The following ADGB variants were observed in gnomAD, a reference collection of about 807,000 sequenced individuals.
The protein encoded by ADGB is androglobin.
ADGB carries 172 observed loss-of-function variants against 210.5 expected under a neutral mutation model. The observed-to-expected ratio is 0.82, with a 90% CI of 0.72 to 0.93. ADGB has a LOEUF of 0.93. ADGB is among the 40% of genes least tolerant of loss of function. The probability of loss-of-function intolerance (pLI) is 0.00; values close to 1 mark genes in which losing one functional copy is unlikely to be tolerated. For synonymous variants in ADGB, 658 were observed against 662.7 expected (o/e 0.99, Z 0.11); for missense variants, 2,025 against 1,964.8 (o/e 1.03, Z -0.58).
chr6:146,647,105 C>CAAAAAAAAAAAAAAAAAAAAAAAAA (rs71552951), intron 3 of ADGB, among the ~76,000 whole-genome samples: 1 of 136,412 alleles, frequency 7.3e-6, no homozygotes. Context: ...AAACAAAAAA[C>CAAAAAAAAAAAAAAAAAAAAAAAAA]AAAAAACAAA....
At chr6:146,795,032 T>C (rs1032525710) in intron 33 of ADGB, among the ~76,000 whole-genome samples, 3 of 152,150 alleles carry the variant, frequency 2.0e-5, no homozygotes, top group Non-Finnish European at 2.9e-5. Flanking sequence ...TTCTGACCCA[T>C]TGGTGACCCC....
At chr6:146,637,186 T>A (rs1775437747) in intron 2 of ADGB, among the ~76,000 whole-genome samples, 1 of 151,952 alleles carries the variant, frequency 6.6e-6, no homozygotes, top group South Asian at 2.1e-4. Flanking sequence ...GTTCTTTGTT[T>A]ATTTATTTTT....
chr6:146,681,983 T>C (rs1215981317), intron 9 of ADGB, among the ~76,000 whole-genome samples: 2 of 152,114 alleles, frequency 1.3e-5, no homozygotes, highest in African/African-American at 2.4e-5. Context: ...AAAATAGAAT[T>C]TATTTCATAG....
chr6:146,674,141 A>T (rs6923590), intron 8 of ADGB, among the ~76,000 whole-genome samples: 1 of 152,136 alleles, frequency 6.6e-6, no homozygotes, highest in Non-Finnish European at 1.5e-5. Flanking sequence ...TCTCAATTAC[A>T]ATTTGTGATA....
chr6:146,685,664 T>G lies in ADGB; in HGVS notation c.1217-70T>G, dbSNP rs79924570. 11,823 of 836,666 alleles carry G rather than the reference T, an allele frequency of 0.014. 966 individuals carry two copies. The African/African-American group carries it at 0.18, about 13-fold the overall frequency. 51.8% of individuals were successfully genotyped at this position (836,666 alleles called of 1,614,324 possible). ...TAAATTCATTAAGGCAATTGAACAA[T>G]CTGGAGTGAGCAACTGACAGACCGA... On this transcript the variant is annotated intron_variant, in intron 9 of 35. Coordinates refer to ENST00000397944, the MANE Select transcript of ADGB (RefSeq NM_024694.4).
intron 22 of ADGB, among the ~76,000 whole-genome samples, chr6:146,735,440 A>C (rs1475249523): frequency 1.3e-5 from 2 of 152,186 alleles, no homozygotes; most frequent in Non-Finnish European, 2.9e-5. Context: ...GCCAGAACTC[A>C]TCTTTTTATC....
At chr6:146,705,667 A>G (rs1176327028) in intron 13 of ADGB, among the ~76,000 whole-genome samples, 1 of 152,058 alleles carries the variant, frequency 6.6e-6, no homozygotes, top group Non-Finnish European at 1.5e-5. Context: ...TGTGCTGTTG[A>G]ATTATGTTTA....
At chr6:146,706,845 G>GTTTTTTTTTTTTTTTTTT (rs34520729) in intron 13 of ADGB, among the ~76,000 whole-genome samples, 3 of 100,732 alleles carry the variant, frequency 3.0e-5, no homozygotes, top group Non-Finnish European at 5.7e-5. Flanking sequence ...TCAGCTTAGT[G>GTTTTTTTTTTTTTTTTTT]TTTTTTTTTT....
intron 1 of ADGB, among the ~76,000 whole-genome samples, chr6:146,613,999 A>T (rs893187553): frequency 6.6e-6 from 1 of 152,050 alleles, no homozygotes; most frequent in African/African-American, 2.4e-5. Flanking sequence ...ATAGATATAT[A>T]TATAAAAATA....
chr6:146,663,904 A>G (rs1198886315), intron 5 of ADGB, among the ~76,000 whole-genome samples: 1 of 152,074 alleles, frequency 6.6e-6, no homozygotes, highest in Non-Finnish European at 1.5e-5. Context: ...TGGTCCTTGA[A>G]ACACCTCAAT....
chr6:146,772,322 T>C (rs1344622354), intron 29 of ADGB, among the ~76,000 whole-genome samples: 6 of 151,236 alleles, frequency 4.0e-5, no homozygotes, highest in African/African-American at 1.2e-4. Context: ...TGACTAGAAT[T>C]GCTTTCTCCC....
intron 27 of ADGB, among the ~76,000 whole-genome samples, chr6:146,753,445 T>G (rs994826113): frequency 3.9e-5 from 6 of 152,014 alleles, no homozygotes; most frequent in African/African-American, 1.4e-4. Context: ...TTATTTATTT[T>G]TTGTGGCCTT....
Position 146,815,053 on chromosome 6 carries a change from CAG to C in ADGB, c.4842_4843del (p.Lys1615AsnfsTer16), listed in dbSNP as rs1778363799. 1 of 1,544,382 alleles carries C rather than the reference CAG, an allele frequency of 6.5e-7. No homozygotes were observed. The highest frequency in any genetic ancestry group is 8.7e-7 in the Non-Finnish European group (1 of 1,145,384). Reference sequence around the variant, plus strand: ...ACAGGACTCCTTAGATGAAGCCCGACAGAAAATTTTCGACATCCGGGAAGAGT... The same window carrying C: ...ACAGGACTCCTTAGATGAAGCCCGACAAAATTTTCGACATCCGGGAAGAGT... ...EMQDSLDEAR[Q>X]KIFDIREEYR... On this transcript the variant is annotated frameshift_variant, in exon 36 of 36. Transcript: ENST00000397944. LOFTEE classifies it low-confidence loss of function (END_TRUNC).
At position 146,700,966 on chromosome 6, in the gene ADGB, A is replaced by G. The variant is rs548064840; in HGVS notation, c.1603A>G (p.Lys535Glu). ...EMHFVRSLIK[K>E]GIPPGSDLPS... ...GCATTTTGTGCGCTCCTTAATTAAG[A>G]AAGGAATACCTCCAGGATCTGATTT... Residue 535 changes from lysine (K) to glutamate (E), a missense_variant, in exon 13 of 36, where the codon AAA (lysine) becomes GAA (glutamate). By Grantham distance (56) the Lys-to-Glu change is moderately conservative (BLOSUM62 1). Coordinates refer to ENST00000397944, the MANE Select transcript of ADGB (RefSeq NM_024694.4). 14 of 1,551,006 alleles carry G rather than the reference A, an allele frequency of 9.0e-6. No homozygotes were observed. The East Asian group carries it at 1.2e-4, about 14-fold the overall frequency.
intron 5 of ADGB, among the ~76,000 whole-genome samples, chr6:146,660,824 A>T (rs1042599274): frequency 1.3e-5 from 2 of 151,886 alleles, no homozygotes; most frequent in Non-Finnish European, 2.9e-5. Context: ...TATTCAAGTT[A>T]CTCTTGTATT....
At chr6:146,739,294 CTTAGAA>C (rs1398111614) in intron 23 of ADGB, among the ~76,000 whole-genome samples, 3 of 152,136 alleles carry the variant, frequency 2.0e-5, no homozygotes, top group Admixed American at 6.5e-5. Context: ...ATAGCTCCTA[CTTAGAA>C]TTATCATACC....
At chr6:146,701,953 TA>T (rs1005015977) in intron 13 of ADGB, among the ~76,000 whole-genome samples, 7 of 151,968 alleles carry the variant, frequency 4.6e-5, no homozygotes, top group Admixed American at 6.6e-5. Flanking sequence ...ACAACTATAA[TA>T]TAATATAAAA....
Position 146,685,765 on chromosome 6 carries a change from C to T in ADGB, c.1248C>T (p.Val416=), listed in dbSNP as rs1295033369. 12 of 1,539,688 alleles carry T rather than the reference C, an allele frequency of 7.8e-6. No homozygotes were observed. Among genetic ancestry groups the T allele is most frequent in the Admixed American group, 2.0e-5 (1 of 49,104 alleles). ...CSSAIQTSHM[V]VYATFTPLYL... ...CTGCAATACAGACCTCTCATATGGT[C>T]GTATATGCGACATTTACACCTCTTT... The change falls in exon 10 of 36, where the codon GTC becomes GTT. Residue 416 remains valine (V), a synonymous_variant. Transcript: ENST00000397944.
intron 27 of ADGB, among the ~76,000 whole-genome samples, chr6:146,760,678 G>T (rs1777475840): frequency 6.6e-6 from 1 of 151,828 alleles, no homozygotes; most frequent in Non-Finnish European, 1.5e-5. Flanking sequence ...TTTTAAGATG[G>T]TAAACAGTTT....
Sources: allele counts gnomAD v4.1 joint callset (sites outside exome capture counted in the v4.1 genomes callset), GRCh38; gene constraint gnomAD v4.1.1; transcripts MANE v1.5; gene names NCBI Gene and HGNC (gene_info 2026-07-23, HGNC 2026-07-21).